FARS2: variants seen among roughly 807,000 people sequenced by gnomAD.
FARS2 encodes phenylalanyl-tRNA synthetase 2, mitochondrial.
FARS2 carries 40 observed loss-of-function variants against 46.4 expected under a neutral mutation model. The observed-to-expected ratio is 0.86, with a 90% CI of 0.67 to 1.12. The LOEUF (loss-of-function observed/expected upper bound fraction) is 1.12, where lower values mean the gene tolerates loss of function less well. FARS2 is among the 50% of genes most tolerant of loss of function. The probability of loss-of-function intolerance (pLI) is 0.00; values close to 1 mark genes in which losing one functional copy is unlikely to be tolerated. For synonymous variants in FARS2, 234 were observed against 214.9 expected (o/e 1.09, Z -0.78); for missense variants, 513 against 567.9 (o/e 0.90, Z 0.98).
intron 5 of FARS2, among the ~76,000 whole-genome samples, chr6:5,573,708 T>G (rs1772793063): frequency 6.6e-6 from 1 of 152,210 alleles, no homozygotes; most frequent in South Asian, 2.1e-4. Flanking sequence ...TTTAAGTGCC[T>G]TCTTTATGTT....
chr6:5,690,940 C>T (rs1475445566), intron 6 of FARS2, among the ~76,000 whole-genome samples: 2 of 152,186 alleles, frequency 1.3e-5, no homozygotes, highest in Non-Finnish European at 2.9e-5. Flanking sequence ...CGCTTCATTT[C>T]GTTCATTTGA....
chr6:5,520,379 G>A (rs1345605996), intron 4 of FARS2, among the ~76,000 whole-genome samples: 3 of 152,184 alleles, frequency 2.0e-5, no homozygotes, highest in Non-Finnish European at 1.5e-5. Flanking sequence ...GAAAGTGCTT[G>A]TGTCTTGCTT....
chr6:5,299,782 G>T (rs879227538), intron 1 of FARS2, among the ~76,000 whole-genome samples: 3 of 151,278 alleles, frequency 2.0e-5, no homozygotes, highest in African/African-American at 7.3e-5. Flanking sequence ...AGAACATGCG[G>T]TGTTTGGTTT....
At chr6:5,709,764 G>T (rs949630871) in intron 6 of FARS2, among the ~76,000 whole-genome samples, 1 of 151,866 alleles carries the variant, frequency 6.6e-6, no homozygotes, top group Non-Finnish European at 1.5e-5. Flanking sequence ...GCGTGTGTGT[G>T]TGTGAGATTC....
At chr6:5,563,870 C>CT (rs1772161280) in intron 5 of FARS2, among the ~76,000 whole-genome samples, 1 of 152,078 alleles carries the variant, frequency 6.6e-6, no homozygotes, top group South Asian at 2.1e-4. Context: ...ATTGTAGCCC[C>CT]TCAGGGCTGA....
chr6:5,750,548 GGAA>G (rs1442860655), intron 6 of FARS2, among the ~76,000 whole-genome samples: 2 of 152,266 alleles, frequency 1.3e-5, no homozygotes, highest in African/African-American at 4.8e-5. Context: ...CTGGTAGGCG[GGAA>G]GAGAAGGGTC....
At chr6:5,532,780 TAATAAGAAG>T (rs1478423064) in intron 4 of FARS2, among the ~76,000 whole-genome samples, 1,926 of 146,466 alleles carry the variant, frequency 0.013, 38 homozygotes, top group African/African-American at 0.044. Flanking sequence ...ATAATAATAA[TAATAAGAAG>T]AAGAAGAAGA....
chr6:5,257,809 A>G (rs1382641565), upstream of FARS2, among the ~76,000 whole-genome samples: 1 of 152,122 alleles, frequency 6.6e-6, no homozygotes, highest in African/African-American at 2.4e-5. Context: ...CTTCCATGAA[A>G]TTGGTTCCTG....
At chr6:5,463,953 T>TA (rs1765380374) in intron 4 of FARS2, among the ~76,000 whole-genome samples, 1 of 152,232 alleles carries the variant, frequency 6.6e-6, no homozygotes, top group Non-Finnish European at 1.5e-5. Flanking sequence ...GTAGTCGTGC[T>TA]AATAACTTCA....
At chr6:5,750,664 G>T (rs542695857) in intron 6 of FARS2, among the ~76,000 whole-genome samples, 1 of 152,256 alleles carries the variant, frequency 6.6e-6, no homozygotes, top group Admixed American at 6.5e-5. Context: ...CCATGGTAGG[G>T]TTAGACTCAG....
chr6:5,456,078 C>T (rs931819822), intron 4 of FARS2, among the ~76,000 whole-genome samples: 7 of 152,000 alleles, frequency 4.6e-5, no homozygotes, highest in African/African-American at 1.2e-4. Flanking sequence ...TAGCCAGGCA[C>T]ATTAGCGTGC....
chr6:5,344,236 G>A (rs1447026666), intron 1 of FARS2, among the ~76,000 whole-genome samples: 1 of 152,102 alleles, frequency 6.6e-6, no homozygotes, highest in Admixed American at 6.5e-5. Context: ...TCACCTGTGG[G>A]CGTATCTGCT....
At chr6:5,628,065 C>A (rs1776123428) in intron 6 of FARS2, among the ~76,000 whole-genome samples, 1 of 152,126 alleles carries the variant, frequency 6.6e-6, no homozygotes, top group Non-Finnish European at 1.5e-5. Flanking sequence ...ATATCCTATA[C>A]AAAATACAGT....
At chr6:5,250,828 G>A in the FARS2 span, among the ~76,000 whole-genome samples, 54,346 of 152,128 alleles carry the variant, frequency 0.36, 11,967 homozygotes, top group South Asian at 0.51. Flanking sequence ...TATAATAAAA[G>A]AGTGAAAGCA....
intron 4 of FARS2, among the ~76,000 whole-genome samples, chr6:5,467,315 C>T (rs1765566025): frequency 6.6e-6 from 1 of 152,132 alleles, no homozygotes; most frequent in East Asian, 1.9e-4. Flanking sequence ...TGGAGAATGA[C>T]TTTCAAAGCT....
chr6:5,691,376 G>A (rs1757703337), intron 6 of FARS2, among the ~76,000 whole-genome samples: 1 of 152,140 alleles, frequency 6.6e-6, no homozygotes, highest in South Asian at 2.1e-4. Context: ...TGGTGTGGAT[G>A]TCCTTTCTGT....
At chr6:5,667,338 A>T (rs534895735) in intron 6 of FARS2, among the ~76,000 whole-genome samples, 8 of 151,622 alleles carry the variant, frequency 5.3e-5, no homozygotes, top group South Asian at 2.1e-4. Flanking sequence ...GCCAATATGG[A>T]GAAACCCCAT....
intron 5 of FARS2, among the ~76,000 whole-genome samples, chr6:5,579,318 C>T (rs1178341410): frequency 3.9e-5 from 6 of 151,974 alleles, no homozygotes; most frequent in Admixed American, 1.3e-4. Context: ...TGGAGTGCAG[C>T]GGTGCAATCT....
intron 1 of FARS2, among the ~76,000 whole-genome samples, chr6:5,302,759 C>T (rs1017755695): frequency 2.0e-5 from 3 of 152,046 alleles, no homozygotes; most frequent in Non-Finnish European, 4.4e-5. Context: ...CAGGGAGAGT[C>T]GGCTCACGGT....
Sources: gnomAD v4.1 joint callset for allele counts (sites outside exome capture counted in the v4.1 genomes callset) on GRCh38, gnomAD v4.1.1 for gene constraint, MANE v1.5 for transcripts, NCBI Gene and HGNC (gene_info 2026-07-23, HGNC 2026-07-21) for gene names.